The following GRAMD4 variants were observed in gnomAD, a reference collection of about 807,000 sequenced individuals.
GRAMD4 encodes GRAM domain-containing protein 4.
Under a neutral mutation model 83.9 loss-of-function variants are expected in GRAMD4, and 25 were observed. The observed-to-expected ratio is 0.30, with a 90% CI of 0.22 to 0.42. The LOEUF (loss-of-function observed/expected upper bound fraction) is 0.42, where lower values mean the gene tolerates loss of function less well. Among genes scored for constraint, GRAMD4 ranks in the 10% least tolerant of loss-of-function variants. GRAMD4 has a pLI of 1.00. For missense variants in GRAMD4, 593 were observed against 788.7 expected (o/e 0.75, Z 2.97); for synonymous variants, 336 against 320.9 (o/e 1.05, Z -0.50).
At chr22:46,647,888 G>T (rs774312802) in intron 3 of GRAMD4, among the ~76,000 whole-genome samples, 3 of 152,254 alleles carry the variant, frequency 2.0e-5, no homozygotes, top group African/African-American at 7.2e-5. Flanking sequence ...TGATGCAGCA[G>T]TTGGCATGTC....
At chr22:46,653,776 G>A (rs6007951) in intron 3 of GRAMD4, among the ~76,000 whole-genome samples, 14,151 of 152,230 alleles carry the variant, frequency 0.093, 900 homozygotes, top group African/African-American at 0.18. Flanking sequence ...AAGATCAGAG[G>A]AGGTGATGTG....
chr22:46,616,103 T>TAAGC (rs2081486677), upstream of GRAMD4, among the ~76,000 whole-genome samples: 1 of 141,440 alleles, frequency 7.1e-6, no homozygotes, highest in Non-Finnish European at 1.5e-5. Flanking sequence ...GGTTCCCCCT[T>TAAGC]GTGTAGGTTC....
chr22:46,675,178 ACTCAGAGCAGTGGCCGTGAGTGT>A (rs1490967145), intron 16 of GRAMD4, among the ~76,000 whole-genome samples: 9 of 150,794 alleles, frequency 6.0e-5, no homozygotes, highest in Admixed American at 3.3e-4. Flanking sequence ...TGAGTGTCTC[ACTCAGAGCAGTGGCCGTGAGTGT>A]CTCAGAGCAG....
chr22:46,674,669 G>T lies in GRAMD4; in HGVS notation c.1397G>T (p.Gly466Val). The T allele has an allele frequency of 1.2e-6, 2 of 1,611,222 alleles. No individual in the cohort carries two copies. Among genetic ancestry groups the T allele is most frequent in the Non-Finnish European group, 1.7e-6 (2 of 1,177,942 alleles). The change falls in exon 16 of 19, where the codon GGC becomes GTC. Residue 466 changes from glycine to valine, a missense_variant. Around this residue, in one of 4 missense-constraint regions of GRAMD4, gnomAD observed 74 missense variants for 152.7 expected, o/e 0.48. Transcript: ENST00000406902. ...NERPLAVCEN[G>V]WRCCLINRDR... ...CTTCTCCCATTAGTGTGCGAGAATG[G>T]CTGGCGCTGCTGCCTCATCAACAGG...
At chr22:46,643,944 T>G (rs1341143583) in intron 3 of GRAMD4, among the ~76,000 whole-genome samples, 8 of 152,224 alleles carry the variant, frequency 5.3e-5, no homozygotes, top group Non-Finnish European at 8.8e-5. Context: ...GAAGTCGAGT[T>G]TGTCTCCTTG....
At chr22:46,640,131 TA>T (rs1380707997) in intron 3 of GRAMD4, among the ~76,000 whole-genome samples, 4 of 152,222 alleles carry the variant, frequency 2.6e-5, no homozygotes, top group Admixed American at 2.6e-4. Context: ...AGACGCTAGT[TA>T]AGTCATCAAC....
intron 1 of GRAMD4, among the ~76,000 whole-genome samples, chr22:46,583,468 T>C (rs895366223): frequency 3.9e-5 from 6 of 152,212 alleles, no homozygotes; most frequent in African/African-American, 1.4e-4. Flanking sequence ...GCATCTAGGG[T>C]CCCAGATGAC....
At chr22:46,665,078 C>T (rs1398998547) in intron 8 of GRAMD4, among the ~76,000 whole-genome samples, 1 of 152,240 alleles carries the variant, frequency 6.6e-6, no homozygotes, top group African/African-American at 2.4e-5. Context: ...TGCCTGGGCT[C>T]CCACACGCTC....
chr22:46,671,028 G>A (rs1031016171), intron 13 of GRAMD4: 4 of 438,878 alleles, frequency 9.1e-6, no homozygotes, highest in Admixed American at 4.8e-5. Flanking sequence ...TGGCTTATCG[G>A]TGCCCATGTA....
At position 46,659,995 on chromosome 22, in the gene GRAMD4, G is replaced by A. The variant is rs1427779135; in HGVS notation, c.405-1386G>A. Among the ~76,000 whole-genome samples, 1 of 152,192 alleles carries A rather than the reference G, an allele frequency of 6.6e-6. No homozygotes were observed. The highest frequency in any genetic ancestry group is 1.5e-5 in the Non-Finnish European group (1 of 68,032). ...TTGGCCACAGTGCCATCCCCGCCAC[G>A]GGACGCTGCTTCTCCCCCGGTGGCT... is the stretch of plus-strand genomic sequence containing the variant. On this transcript the variant is annotated intron_variant, in intron 4 of 18. Coordinates refer to ENST00000406902, the MANE Select transcript of GRAMD4 (RefSeq NM_015124.5). The surrounding 1 kb of genome is among the most constrained non-coding windows in gnomAD (Gnocchi z 4.1).
chr22:46,624,781 C>T (rs1164558862), intron 1 of GRAMD4, among the ~76,000 whole-genome samples: 1 of 152,210 alleles, frequency 6.6e-6, no homozygotes, highest in Admixed American at 6.5e-5. Context: ...CACCCACATC[C>T]CCCTCCTGGG....
chr22:46,674,955 C>T (rs1225107283), intron 16 of GRAMD4, among the ~76,000 whole-genome samples: 2 of 152,246 alleles, frequency 1.3e-5, no homozygotes, highest in African/African-American at 4.8e-5. Flanking sequence ...TGTACTGCTG[C>T]CATCCCTCAG....
At position 46,644,897 on chromosome 22, in the gene GRAMD4, C is replaced by CT. The variant is rs35677843; in HGVS notation, c.283+6970dup. 9.7e-3 allele frequency among the ~76,000 whole-genome samples: 398 copies of CT among 40,978 alleles called. 78 individuals carry two copies. The highest frequency in any genetic ancestry group is 0.013 in the African/African-American group (118 of 8,930). 26.9% of individuals were successfully genotyped at this position (40,978 alleles called of 152,430 possible). ...ATAGGCACATTGCACTGCACATGGC[C>CT]TTTTTTTTTTTTTTTTTTTTTTTTT... On this transcript the variant is annotated intron_variant, in intron 3 of 18. Coordinates refer to ENST00000406902, the MANE Select transcript of GRAMD4 (RefSeq NM_015124.5).
chr22:46,634,695 C>G (rs1010318676), intron 2 of GRAMD4, among the ~76,000 whole-genome samples: 12 of 152,202 alleles, frequency 7.9e-5, no homozygotes, highest in Non-Finnish European at 1.3e-4. Flanking sequence ...AATCCCAGCA[C>G]TTTGGGAGGC....
At position 46,645,902 on chromosome 22, in the gene GRAMD4, G is replaced by A. The variant is rs116734240; in HGVS notation, c.283+7942G>A. Among the ~76,000 whole-genome samples the A allele has an allele frequency of 1.4e-3, 211 of 152,340 alleles. 1 individual carries two copies. The highest frequency in any genetic ancestry group is 4.7e-3 in the African/African-American group (196 of 41,568). On this transcript the variant is annotated intron_variant, in intron 3 of 18. Coordinates refer to ENST00000406902, the MANE Select transcript of GRAMD4 (RefSeq NM_015124.5). ...CTGTTGGTCACTAGTCACCTGCTGC[G>A]CGCAGGCTCTGGGAGGTGAGATTCC...
intron 3 of GRAMD4, among the ~76,000 whole-genome samples, chr22:46,653,208 T>C (rs1601640888): frequency 6.6e-6 from 1 of 152,250 alleles, no homozygotes; most frequent in Non-Finnish European, 1.5e-5. Context: ...AGGAGCCCTG[T>C]CTGCAAGGCT....
chr22:46,619,624 C>A (rs957414861), upstream of GRAMD4, among the ~76,000 whole-genome samples: 4 of 152,214 alleles, frequency 2.6e-5, no homozygotes, highest in Admixed American at 1.3e-4. Flanking sequence ...ACCAGGCCTT[C>A]TTTGCTGGCC....
intron 1 of GRAMD4, among the ~76,000 whole-genome samples, chr22:46,577,959 A>G (rs115253121): frequency 0.016 from 2,501 of 152,258 alleles, 75 homozygotes; most frequent in African/African-American, 0.057. Flanking sequence ...CACCCCTGCC[A>G]GGTCCTGGAC....
chr22:46,603,196 C>G (rs1601542471), intron 1 of GRAMD4, among the ~76,000 whole-genome samples: 1 of 126,358 alleles, frequency 7.9e-6, no homozygotes, highest in Admixed American at 9.7e-5. Context: ...AACGTATCTT[C>G]TCTTGTTTTT....
Sources: gnomAD v4.1 joint callset for allele counts (sites outside exome capture counted in the v4.1 genomes callset) on GRCh38, gnomAD v4.1.1 for gene constraint, gnomAD v4.1.1 regional missense constraint, Gnocchi (gnomAD v3.1) non-coding constraint, MANE v1.5 for transcripts, NCBI Gene and HGNC (gene_info 2026-07-23, HGNC 2026-07-21) for gene names.